The following BICRA variants were observed in gnomAD, a reference collection of about 807,000 sequenced individuals.
BICRA encodes the protein BRD4 interacting chromatin remodeling complex associated protein.
A neutral mutation model predicts 96.9 loss-of-function variants in BICRA; 31 were observed. The observed-to-expected ratio is 0.32, with a 90% CI of 0.24 to 0.43. The LOEUF (loss-of-function observed/expected upper bound fraction) is 0.43. Among genes scored for constraint, BICRA ranks in the 20% least tolerant of loss-of-function variants. The pLI is 1.00. For missense variants in BICRA, 2,283 were observed against 2,190.3 expected (o/e 1.04, Z -0.84); for synonymous variants, 1,350 against 1,071.8 (o/e 1.26, Z -5.07).
At chr19:47,700,316 A>G (rs905661160) in intron 14 of BICRA, 1 of 151,856 alleles carries the variant, frequency 6.6e-6, no homozygotes, top group Admixed American at 6.6e-5. Context: ...CAATGAGCTC[A>G]CTCCAGCCTG....
intron 1 of BICRA, among the ~76,000 whole-genome samples, chr19:47,638,316 G>T (rs1033185149): frequency 6.6e-6 from 1 of 152,186 alleles, no homozygotes; most frequent in Non-Finnish European, 1.5e-5. Context: ...TCAGCTCCCG[G>T]GAAGGCATAG....
chr19:47,700,795 AAAACAAACAAAC>A, intron 14 of BICRA: 1 of 155,322 alleles, frequency 6.4e-6, no homozygotes, highest in East Asian at 1.9e-4. Context: ...CTGTCTCAAA[AAAACAAACAAAC>A]AAACAAACAA....
chr19:47,645,247 C>T (rs1369609102), intron 1 of BICRA, among the ~76,000 whole-genome samples: 3 of 152,124 alleles, frequency 2.0e-5, no homozygotes, highest in Admixed American at 6.6e-5. Context: ...TGTTTCATGA[C>T]GTTGACATTT....
At chr19:47,644,553 T>G (rs1972431641) in intron 1 of BICRA, among the ~76,000 whole-genome samples, 1 of 149,428 alleles carries the variant, frequency 6.7e-6, no homozygotes, top group African/African-American at 2.5e-5. Flanking sequence ...CAGGCTGGAG[T>G]GCAGTGGCAC....
chr19:47,608,540 C>G (rs1971842864), upstream of BICRA: 1 of 152,240 alleles, frequency 6.6e-6, no homozygotes, highest in African/African-American at 2.4e-5. Flanking sequence ...GCCCCCTCCC[C>G]AGCCGGACCG....
intron 1 of BICRA, among the ~76,000 whole-genome samples, chr19:47,609,999 A>C (rs1358495602): frequency 6.6e-6 from 1 of 151,974 alleles, no homozygotes; most frequent in East Asian, 1.9e-4. Flanking sequence ...TCACTTCCCG[A>C]GGTTCGGGGC....
Position 47,680,422 on chromosome 19 carries a change from G to A in BICRA, c.1252G>A (p.Ala418Thr). The A allele has an allele frequency of 1.3e-6, 2 of 1,536,650 alleles. No homozygotes were observed. The highest frequency in any genetic ancestry group is 2.4e-5 in the South Asian group (2 of 83,976). ...NVVLSGFPAP[A>T]LQANVFKQPP... ...GGTGCTGTCGGGCTTCCCCGCGCCT[G>A]CGCTGCAAGCGAACGTCTTCAAGCA... The change falls in exon 6 of 15, where the codon GCG becomes ACG. Residue 418 changes from alanine (A) to threonine (T), a missense_variant. Physicochemically the swap from Ala to Thr is moderately conservative, Grantham distance 58. Coordinates refer to ENST00000594866, the MANE Select transcript of BICRA (RefSeq NM_001394372.1).
intron 1 of BICRA, among the ~76,000 whole-genome samples, chr19:47,612,364 C>T (rs570458603): frequency 2.6e-5 from 4 of 151,240 alleles, no homozygotes; most frequent in African/African-American, 7.3e-5. Context: ...TGGGGTGAGC[C>T]GTGATTGTGC....
intron 1 of BICRA, chr19:47,663,592 C>A (rs1348188390): frequency 6.6e-6 from 1 of 152,158 alleles, no homozygotes; most frequent in African/African-American, 2.4e-5. Context: ...GGAAAACTTT[C>A]CCTGAAAGTC....
chr19:47,654,875 A>G (rs1287098063), intron 1 of BICRA, among the ~76,000 whole-genome samples: 1 of 151,936 alleles, frequency 6.6e-6, no homozygotes, highest in Non-Finnish European at 1.5e-5. Context: ...TACCTGCAGG[A>G]TATGTTCCCA....
intron 1 of BICRA, among the ~76,000 whole-genome samples, chr19:47,620,911 A>T (rs1379803497): frequency 6.6e-6 from 1 of 152,052 alleles, no homozygotes; most frequent in Non-Finnish European, 1.5e-5. Flanking sequence ...CAGGCCTGTC[A>T]TCCAGTCAAG....
rs369970539 is a variant in BICRA, at chr19:47,701,579, G to A, written c.3847G>A (p.Ala1283Thr). ...SSSSAASSLD[A>T]DEDGPMPSRN... Reference sequence around the variant, plus strand: ...CTCCTCTGCCGCCTCCTCCTTGGACGCCGACGAGGACGGCCCCATGCCCTC... The same window carrying A: ...CTCCTCTGCCGCCTCCTCCTTGGACACCGACGAGGACGGCCCCATGCCCTC... The change falls in exon 15 of 15, where the codon GCC becomes ACC. Residue 1283 changes from alanine to threonine, a missense_variant. Physicochemically the swap from Ala to Thr is moderately conservative, Grantham distance 58. Transcript: ENST00000594866. The surrounding 1 kb of genome is among the most constrained non-coding windows in gnomAD (Gnocchi z 5.4). The A allele has an allele frequency of 2.1e-5, 32 of 1,553,922 alleles. No individual in the cohort carries two copies. Among genetic ancestry groups the A allele is most frequent in the Non-Finnish European group, 2.7e-5 (31 of 1,149,708 alleles).
rs926136170 is a variant in BICRA, at chr19:47,701,731, C to T, written c.3999C>T (p.Pro1333=). 4.5e-6 allele frequency: 7 copies of T among 1,565,786 alleles called. No homozygotes were observed. Among genetic ancestry groups the T allele is most frequent in the Non-Finnish European group, 5.2e-6 (6 of 1,154,804 alleles). The change falls in exon 15 of 15, where the codon CCC becomes CCT. Residue 1333 remains proline, a synonymous_variant. Transcript: ENST00000594866. This position sits in a 1 kb window ranked among gnomAD's most constrained non-coding sequence, Gnocchi z 5.4. ...CGGCCCTGGACCCCGTGCACCAGCC[C>T]CCGCCACCCCCCGCTACCCTCAAGG... The part of the protein sequence containing the change: ...HNTALDPVHQ[P]PPPPATLKVA...
At position 47,681,022 on chromosome 19, in the gene BICRA, G is replaced by A; in HGVS notation, c.1852G>A (p.Val618Ile). ...CGCTGCCACCGGGGAGGCCGCGCCTGTCCTCACGGTGCAGCCTGCCCCCCA... is the reference window on the plus strand; with the variant it reads ...CGCTGCCACCGGGGAGGCCGCGCCTATCCTCACGGTGCAGCCTGCCCCCCA... ...PAAATGEAAP[V>I]LTVQPAPQAP... Residue 618 changes from valine (V) to isoleucine (I), a missense_variant, in exon 6 of 15, where the codon GTC becomes ATC. By Grantham distance (29) the Val-to-Ile change is conservative. Coordinates refer to ENST00000594866, the MANE Select transcript of BICRA (RefSeq NM_001394372.1). The A allele has an allele frequency of 6.9e-7, 1 of 1,444,672 alleles. No homozygotes were observed. Among genetic ancestry groups the A allele is most frequent in the Non-Finnish European group, 9.0e-7 (1 of 1,107,910 alleles). 89.5% of individuals were successfully genotyped at this position (1,444,672 alleles called of 1,614,324 possible). A position where few individuals can be genotyped will look rare whatever the true frequency, so the allele number is the denominator to read the frequency against.
At chr19:47,652,171 T>C (rs1599818671) in intron 1 of BICRA, among the ~76,000 whole-genome samples, 1 of 151,996 alleles carries the variant, frequency 6.6e-6, no homozygotes, top group South Asian at 2.1e-4. Context: ...ATTTCAGGTA[T>C]GGAAGGGTGG....
chr19:47,644,401 TTCTC>T (rs1972427450), intron 1 of BICRA, among the ~76,000 whole-genome samples: 2 of 151,492 alleles, frequency 1.3e-5, no homozygotes, highest in South Asian at 2.1e-4. Flanking sequence ...TTTTCTTTCT[TTCTC>T]TCTCTCCTTC....
chr19:47,691,967 C>T (rs1408410314), intron 7 of BICRA, among the ~76,000 whole-genome samples: 1 of 152,212 alleles, frequency 6.6e-6, no homozygotes, highest in Non-Finnish European at 1.5e-5. Context: ...TGACATGATA[C>T]TGTTGTCATA....
chr19:47,675,421 C>T lies in BICRA; in HGVS notation c.85-430C>T, dbSNP rs150439446. Among the ~76,000 whole-genome samples, 630 of 152,230 alleles carry T rather than the reference C, an allele frequency of 4.1e-3. 2 individuals carry two copies. Among genetic ancestry groups the T allele is most frequent in the Non-Finnish European group, 5.4e-3 (368 of 68,010 alleles). The stretch of plus-strand genomic sequence containing the variant: ...GGCACCGCATGGCTTGTCAGGTGCC[C>T]GGATGGTAGGTGTGCCAGGCACTCA... On this transcript the variant is annotated intron_variant, in intron 4 of 14. Coordinates refer to ENST00000594866, the MANE Select transcript of BICRA (RefSeq NM_001394372.1). The surrounding 1 kb of genome is among the most constrained non-coding windows in gnomAD (Gnocchi z 4.7).
intron 1 of BICRA, among the ~76,000 whole-genome samples, chr19:47,636,403 C>A (rs191942212): frequency 5.3e-5 from 8 of 152,266 alleles, no homozygotes; most frequent in Admixed American, 5.2e-4. Flanking sequence ...GATTTGGGAT[C>A]TTGCTTTGTT....
Sources: allele counts gnomAD v4.1 joint callset (sites outside exome capture counted in the v4.1 genomes callset), GRCh38; gene constraint gnomAD v4.1.1; non-coding constraint Gnocchi (gnomAD v3.1); transcripts MANE v1.5; gene names NCBI Gene and HGNC (gene_info 2026-07-23, HGNC 2026-07-21).